GALC: variants seen among roughly 807,000 people sequenced by gnomAD.
GALC encodes the protein galactocerebrosidase.
GALC carries 77 observed loss-of-function variants against 91.8 expected under a neutral mutation model. The observed-to-expected ratio is 0.84, with a 90% CI of 0.70 to 1.01. GALC has a LOEUF of 1.01. GALC is among the 50% of genes least tolerant of loss of function. The pLI is 0.00. For missense variants in GALC, 882 were observed against 855.9 expected (o/e 1.03, Z -0.38); for synonymous variants, 357 against 306.7 (o/e 1.16, Z -1.71).
rs413750 is a variant in GALC at position 87,934,105 on chromosome 14, T to C, written c.*627A>G. On this transcript the variant is annotated 3_prime_UTR_variant, in exon 17 of 17. Coordinates refer to ENST00000261304, the MANE Select transcript of GALC (RefSeq NM_000153.4). ...CAATTAATCTGCTAATATCTATTAC[T>C]GCAGAAATAGTGTTAGAGGTAGTTT... is the stretch of plus-strand genomic sequence containing the variant. The C allele has an allele frequency of 0.99, 1,491,193 of 1,505,686 alleles. 739,196 individuals are homozygous for C. The highest frequency in any genetic ancestry group is 1 in the Non-Finnish European group (1,126,860 of 1,127,312). The allele number at this position is 1,505,686 out of a possible 1,614,324, so 93.3% of individuals were successfully genotyped here.
At chr14:87,975,102 CA>C (rs1243570431) in intron 7 of GALC, among the ~76,000 whole-genome samples, 5 of 150,044 alleles carry the variant, frequency 3.3e-5, no homozygotes, top group African/African-American at 4.9e-5. Context: ...TTTTATCTTG[CA>C]AAAAAAAATT....
chr14:87,984,590 T>C, intron 4 of GALC, 57 bp from the exon 5 acceptor site: 1 of 1,596,240 alleles, frequency 6.3e-7, no homozygotes. Flanking sequence ...CTGGCGCTAT[T>C]GAAAATAAAA....
chr14:87,966,348 G>A (rs1217647362), intron 8 of GALC, among the ~76,000 whole-genome samples: 1 of 152,078 alleles, frequency 6.6e-6, no homozygotes, highest in Non-Finnish European at 1.5e-5. Context: ...TCCAGAGCAG[G>A]TGCTAAACCC....
In GALC at chr14:87,934,498, T is replaced by G. The variant is rs914585505; in HGVS notation, c.*234A>C. The G allele has an allele frequency of 7.1e-7, 1 of 1,403,912 alleles. No homozygotes were observed. Among genetic ancestry groups the G allele is most frequent in the Non-Finnish European group, 9.2e-7 (1 of 1,082,062 alleles). 87.0% of individuals were successfully genotyped at this position (1,403,912 alleles called of 1,614,324 possible). A position where few individuals can be genotyped will look rare whatever the true frequency, so the allele number is the denominator to read the frequency against. ...GGGTATGGCCAATGCACAGTTTGAA[T>G]GTTAGGGAACACACCAGGTAATGTT... On this transcript the variant is annotated 3_prime_UTR_variant, in exon 17 of 17. Transcript: ENST00000261304.
At chr14:87,954,951 G>C in intron 10 of GALC, 1 of 1,484,998 alleles carries the variant, frequency 6.7e-7, no homozygotes. Context: ...ACTCAAAGCT[G>C]ATAGAGAAGA....
chr14:87,959,356 C>T (rs1885700311), intron 10 of GALC, among the ~76,000 whole-genome samples: 2 of 152,150 alleles, frequency 1.3e-5, no homozygotes, highest in Non-Finnish European at 2.9e-5. Flanking sequence ...AAAAGAAATA[C>T]TTACTTCATG....
chr14:87,939,782 G>T, intron 16 of GALC, 123 bp downstream of exon 16: 1 of 795,482 alleles, frequency 1.3e-6, no homozygotes, highest in Non-Finnish European at 2.2e-6. Context: ...CCGGCACCAA[G>T]GCAGATTCTT....
chr14:87,988,515 G>C lies in GALC; in HGVS notation c.204C>G (p.Ser68=). The C allele has an allele frequency of 1.2e-6, 2 of 1,611,390 alleles. No individual in the cohort carries two copies. Among genetic ancestry groups the C allele is most frequent in the Non-Finnish European group, 1.7e-6 (2 of 1,177,674 alleles). The part of the protein sequence containing the change: ...IGAVSGGGAT[S]RLLVNYPEPY... ...GCTCTGGGTAATTTACTAGAAGTCG[G>C]GAGGTTGCCTAAAAAAAAAAGTTTT... The change falls in exon 2 of 17, where the codon TCC becomes TCG. Residue 68 remains serine (S), a synonymous_variant. Transcript: ENST00000261304.
intron 16 of GALC, among the ~76,000 whole-genome samples, chr14:87,935,104 AG>A (rs1210488284): frequency 5.3e-5 from 8 of 152,130 alleles, no homozygotes; most frequent in Non-Finnish European, 7.4e-5. Context: ...CCAAAGTACA[AG>A]GAATACCTCA....
intron 10 of GALC, among the ~76,000 whole-genome samples, chr14:87,960,212 T>C (rs928107856): frequency 6.6e-6 from 1 of 151,584 alleles, no homozygotes; most frequent in African/African-American, 2.4e-5. Flanking sequence ...TAAGTTGATA[T>C]CACAGATGCA....
At position 87,933,763 on chromosome 14, in the gene GALC, T is replaced by C; in HGVS notation, c.*969A>G. 2.0e-6 allele frequency: 1 copy of C among 491,998 alleles called. No homozygotes were observed. The highest frequency in any genetic ancestry group is 3.5e-5 in the Admixed American group (1 of 28,534). The allele number at this position is 491,998 out of a possible 1,614,324, so 30.5% of individuals were successfully genotyped here. Reference sequence around the variant, plus strand: ...GAACACGCTCACGTATATTTAAATATAAACATATTTGGACTTTAAAAAGTA... The same window carrying C: ...GAACACGCTCACGTATATTTAAATACAAACATATTTGGACTTTAAAAAGTA... On this transcript the variant is annotated 3_prime_UTR_variant, in exon 17 of 17. Coordinates refer to ENST00000261304, the MANE Select transcript of GALC (RefSeq NM_000153.4).
chr14:87,956,166 A>C (rs980441544), intron 10 of GALC, among the ~76,000 whole-genome samples: 14 of 152,026 alleles, frequency 9.2e-5, no homozygotes, highest in African/African-American at 3.1e-4. Flanking sequence ...AGGTGTGATC[A>C]AGGAACCAGA....
chr14:87,970,978 CAAAATT>C (rs1454845754), intron 7 of GALC, among the ~76,000 whole-genome samples: 2 of 150,798 alleles, frequency 1.3e-5, no homozygotes, highest in African/African-American at 4.9e-5. Flanking sequence ...CAATAACAGA[CAAAATT>C]AAGATCAATG....
intron 10 of GALC, among the ~76,000 whole-genome samples, chr14:87,960,526 A>C (rs1166098546): frequency 3.3e-5 from 5 of 152,194 alleles, no homozygotes; most frequent in African/African-American, 1.2e-4. Context: ...TGTCAATAAA[A>C]AATAAAAATA....
chr14:87,989,262 T>C (rs901921195), intron 1 of GALC, among the ~76,000 whole-genome samples: 6 of 152,220 alleles, frequency 3.9e-5, no homozygotes, highest in African/African-American at 1.4e-4. Context: ...AGGTTCAAAC[T>C]GCTGACACTT....
intron 10 of GALC, among the ~76,000 whole-genome samples, chr14:87,952,108 T>C (rs369970211): frequency 7.9e-5 from 12 of 151,378 alleles, no homozygotes; most frequent in African/African-American, 2.7e-4. Context: ...AAAACCAAAA[T>C]AGGCAAAGAA....
chr14:87,933,822 T>G lies in GALC; in HGVS notation c.*910A>C. 3.4e-6 allele frequency: 2 copies of G among 583,138 alleles called. No homozygotes were observed. Among genetic ancestry groups the G allele is most frequent in the East Asian group, 5.6e-5 (2 of 35,628 alleles). 36.1% of individuals were successfully genotyped at this position (583,138 alleles called of 1,614,324 possible). On this transcript the variant is annotated 3_prime_UTR_variant, in exon 17 of 17. Coordinates refer to ENST00000261304, the MANE Select transcript of GALC (RefSeq NM_000153.4). ...TTAGGAGATGATCCAATTCTGGGAG[T>G]TAGCAAATGTCTAAGTGCTCCCCTC...
At chr14:87,936,111 C>T (rs1202022351) in intron 16 of GALC, among the ~76,000 whole-genome samples, 1 of 152,040 alleles carries the variant, frequency 6.6e-6, no homozygotes, top group Non-Finnish European at 1.5e-5. Context: ...GGCTGCTCTT[C>T]ACACAATGTC....
intron 6 of GALC, among the ~76,000 whole-genome samples, chr14:87,980,224 T>C (rs1295651983): frequency 6.6e-6 from 1 of 151,878 alleles, no homozygotes; most frequent in Admixed American, 6.6e-5. Flanking sequence ...CTACTAAAAA[T>C]ACAAAAAAAT....
Sources: gnomAD v4.1 joint callset for allele counts (sites outside exome capture counted in the v4.1 genomes callset) on GRCh38, gnomAD v4.1.1 for gene constraint, MANE v1.5 for transcripts, NCBI Gene and HGNC (gene_info 2026-07-23, HGNC 2026-07-21) for gene names.